Variants in CSGALNACT1 observed in about 807,000 individuals in gnomAD.
The protein encoded by CSGALNACT1 is chondroitin sulfate N-acetylgalactosaminyltransferase 1.
A neutral mutation model predicts 51.0 loss-of-function variants in CSGALNACT1; 52 were observed. The ratio of observed to expected loss-of-function variants is 1.02; its 90% confidence interval spans 0.82 to 1.29. The LOEUF (loss-of-function observed/expected upper bound fraction) is 1.29, where lower values mean the gene tolerates loss of function less well. Ranked by LOEUF, CSGALNACT1 falls within the 50% of genes most tolerant of loss-of-function variation. The probability of loss-of-function intolerance (pLI) is 0.00; values close to 1 mark genes in which losing one functional copy is unlikely to be tolerated. For missense variants in CSGALNACT1, 935 were observed against 679.2 expected (o/e 1.38, Z -4.19); for synonymous variants, 341 against 254.4 (o/e 1.34, Z -3.24).
At chr8:19,412,505 A>T (rs1563271532) in intron 8 of CSGALNACT1, among the ~76,000 whole-genome samples, 1 of 152,166 alleles carries the variant, frequency 6.6e-6, no homozygotes, top group African/African-American at 2.4e-5. Context: ...ACCCTAAAAT[A>T]AAATAAATAG....
At chr8:19,472,773 A>G (rs2068501365) in intron 4 of CSGALNACT1, among the ~76,000 whole-genome samples, 1 of 152,264 alleles carries the variant, frequency 6.6e-6, no homozygotes, top group Admixed American at 6.5e-5. Flanking sequence ...TCCAAAGCAT[A>G]TCAGAAAAGT....
At chr8:19,578,069 C>G (rs531645738) in intron 3 of CSGALNACT1, among the ~76,000 whole-genome samples, 1 of 152,348 alleles carries the variant, frequency 6.6e-6, no homozygotes, top group South Asian at 2.1e-4. Context: ...TGGGCTGGAA[C>G]ATGTTCCAGA....
At position 19,577,401 on chromosome 8, in the gene CSGALNACT1, C is replaced by CAAAAAAAAAAAAAAAAAAAAAA. The variant is rs111734132; in HGVS notation, c.-297+13758_-297+13759insTTTTTTTTTTTTTTTTTTTTTT. On this transcript the variant is annotated intron_variant, in intron 3 of 9. Transcript: ENST00000454498. ...ACAACGAAGCCCGACCCCACCTCTA[C>CAAAAAAAAAAAAAAAAAAAAAA]AAAAAAAAAAAAAGCCTAGTATGGT... Among the ~76,000 whole-genome samples, 206 of 104,176 alleles carry CAAAAAAAAAAAAAAAAAAAAAA rather than the reference C, an allele frequency of 2.0e-3. 7 individuals are homozygous for CAAAAAAAAAAAAAAAAAAAAAA. The highest frequency in any genetic ancestry group is 8.3e-3 in the African/African-American group (192 of 23,080). 68.3% of individuals were successfully genotyped at this position (104,176 alleles called of 152,430 possible). A position where few individuals can be genotyped will look rare whatever the true frequency, so the allele number is the denominator to read the frequency against.
chr8:19,745,684 T>C (rs1414552086), intron 1 of CSGALNACT1, among the ~76,000 whole-genome samples: 6 of 152,176 alleles, frequency 3.9e-5, no homozygotes, highest in African/African-American at 1.2e-4. Context: ...TGCCTTGAAG[T>C]ACGCAGTGAG....
chr8:19,487,739 T>C (rs1327469969), intron 4 of CSGALNACT1, among the ~76,000 whole-genome samples: 2 of 152,136 alleles, frequency 1.3e-5, no homozygotes, highest in African/African-American at 2.4e-5. Flanking sequence ...GACTGAGATA[T>C]CCTTCCCATG....
At chr8:19,605,964 G>A (rs1197803422), upstream of CSGALNACT1, among the ~76,000 whole-genome samples, 1 of 152,114 alleles carries the variant, frequency 6.6e-6, no homozygotes, top group Non-Finnish European at 1.5e-5. Flanking sequence ...AATGTCCAAA[G>A]GGCTTCAAAA....
At position 19,541,553 on chromosome 8, in the gene CSGALNACT1, A is replaced by ATTTTTTTTTTT. The variant is rs1159626193; in HGVS notation, c.-296-35434_-296-35424dup. Among the ~76,000 whole-genome samples, 494 of 70,090 alleles carry ATTTTTTTTTTT rather than the reference A, an allele frequency of 7.0e-3. 116 individuals carry two copies. The highest frequency in any genetic ancestry group is 0.032 in the South Asian group (53 of 1,650). The allele number at this position is 70,090 out of a possible 152,430, so 46.0% of individuals were successfully genotyped here. On this transcript the variant is annotated intron_variant, in intron 3 of 9. Transcript: ENST00000454498. Reference sequence around the variant, plus strand: ...AGGTGTGAGCCACCGTGCTCAGCCAATTTTTTTTTTTTTTTTTTTTTTTTT... The same window carrying ATTTTTTTTTTT: ...AGGTGTGAGCCACCGTGCTCAGCCAATTTTTTTTTTTTTTTTTTTTTTTTTTTTTTTTTTTT...
intron 3 of CSGALNACT1, among the ~76,000 whole-genome samples, chr8:19,511,624 C>G (rs1429285061): frequency 6.6e-6 from 1 of 152,182 alleles, no homozygotes; most frequent in Non-Finnish European, 1.5e-5. Context: ...TCCAAGATGG[C>G]CCTCAATGGT....
intron 1 of CSGALNACT1, among the ~76,000 whole-genome samples, chr8:19,669,965 C>T (rs1348364413): frequency 6.6e-6 from 1 of 152,142 alleles, no homozygotes; most frequent in Non-Finnish European, 1.5e-5. Context: ...CCTCAAAATG[C>T]CTCCTTTCCC....
rs1336941850 is a variant in CSGALNACT1, at chr8:19,750,703, C to T, written c.-297+7147G>A. Among the ~76,000 whole-genome samples, 3 of 152,154 alleles carry T rather than the reference C, an allele frequency of 2.0e-5. No homozygotes were observed. The East Asian group carries it at 5.8e-4, about 29-fold the overall frequency. On this transcript the variant is annotated intron_variant, in intron 1 of 1. Transcript: ENST00000517494. The stretch of plus-strand genomic sequence containing the variant: ...GTTGTCCACCACCAAAGTCTCAAAC[C>T]CTTCCTCTCTCCTGCACTGTCTTCA...
chr8:19,450,909 C>A (rs965552729), intron 5 of CSGALNACT1, among the ~76,000 whole-genome samples: 1 of 151,376 alleles, frequency 6.6e-6, no homozygotes, highest in African/African-American at 2.4e-5. Flanking sequence ...TTTTAGAGAC[C>A]CTGTCTTCAA....
intron 1 of CSGALNACT1, among the ~76,000 whole-genome samples, chr8:19,608,261 C>T (rs2051684051): frequency 6.6e-6 from 1 of 152,146 alleles, no homozygotes; most frequent in African/African-American, 2.4e-5. Flanking sequence ...TACGGGGCAG[C>T]CCAACATAAC....
chr8:19,420,355 G>C, exon 7 of CSGALNACT1: 5 of 1,614,150 alleles, frequency 3.1e-6, no homozygotes, highest in Non-Finnish European at 2.5e-6. Flanking sequence ...TGTGTATTCA[G>C]CCTACACGTA....
chr8:19,695,104 T>A (rs538884023), intron 1 of CSGALNACT1, among the ~76,000 whole-genome samples: 1 of 152,322 alleles, frequency 6.6e-6, no homozygotes, highest in Admixed American at 6.5e-5. Context: ...TTGTTCACAA[T>A]AATGTTAAGC....
chr8:19,440,101 T>C (rs1372432372), intron 5 of CSGALNACT1, among the ~76,000 whole-genome samples, 170 bp from the exon 5 acceptor site: 2 of 152,212 alleles, frequency 1.3e-5, no homozygotes, highest in Admixed American at 1.3e-4. Flanking sequence ...TCCAACTATC[T>C]GTATTTGTAT....
At chr8:19,748,164 G>A (rs1396655961) in intron 1 of CSGALNACT1, among the ~76,000 whole-genome samples, 1 of 152,300 alleles carries the variant, frequency 6.6e-6, no homozygotes, top group East Asian at 1.9e-4. Context: ...CTATCCTCTT[G>A]TATAAAGAGC....
rs369469297 is a variant in CSGALNACT1 at position 19,458,514 on chromosome 8, T to C, written c.763A>G (p.Lys255Glu). Residue 255 changes from lysine to glutamate, a missense_variant, in exon 5 of 10, where the codon AAG becomes GAG. By Grantham distance (56) the Lys-to-Glu change is moderately conservative (BLOSUM62 1). Transcript: ENST00000454498. Reference sequence around the variant, plus strand: ...ATAAGCGTGTTGGCCATGTTGAGCTTTTCATTTTTCACTTTCATGATGGGG... The same window carrying C: ...ATAAGCGTGTTGGCCATGTTGAGCTCTTCATTTTTCACTTTCATGATGGGG... The C allele has an allele frequency of 1.3e-4, 209 of 1,614,076 alleles. No individual in the cohort carries two copies. The highest frequency in any genetic ancestry group is 1.7e-4 in the Non-Finnish European group (201 of 1,180,032).
chr8:19,737,135 C>T (rs1589763218), intron 1 of CSGALNACT1, among the ~76,000 whole-genome samples: 1 of 152,028 alleles, frequency 6.6e-6, no homozygotes. Context: ...GAATTTTACA[C>T]CTAATGAAAC....
chr8:19,728,179 G>T (rs187825425), intron 1 of CSGALNACT1, among the ~76,000 whole-genome samples: 1 of 152,160 alleles, frequency 6.6e-6, no homozygotes, highest in East Asian at 1.9e-4. Context: ...AATCTCGTAG[G>T]GTTGTTATGA....
Sources: gnomAD v4.1 joint callset for allele counts (sites outside exome capture counted in the v4.1 genomes callset) on GRCh38, gnomAD v4.1.1 for gene constraint, MANE v1.5 for transcripts, NCBI Gene and HGNC (gene_info 2026-07-23, HGNC 2026-07-21) for gene names.